Variants in KCNH5 observed in about 807,000 individuals in gnomAD.
KCNH5 encodes potassium voltage-gated channel subfamily H member 5.
Under a neutral mutation model 96.1 loss-of-function variants are expected in KCNH5, and 46 were observed. That is an observed-to-expected ratio of 0.48 (90% confidence interval 0.38 to 0.61). KCNH5 has a LOEUF of 0.61. KCNH5 is among the 20% of genes least tolerant of loss of function. The pLI, the probability that KCNH5 is intolerant of heterozygous loss-of-function variation, is 0.00. For missense variants in KCNH5, 907 were observed against 1,225.8 expected, an observed-to-expected ratio of 0.74 and a Z score of 3.88; for synonymous variants, 439 against 449.8, an observed-to-expected ratio of 0.98 and a Z score of 0.30.
At chr14:62,992,759 T>C (rs917698380) in intron 4 of KCNH5, among the ~76,000 whole-genome samples, 1 of 151,982 alleles carries the variant, frequency 6.6e-6, no homozygotes, top group African/African-American at 2.4e-5. Flanking sequence ...CTTCCCTTCT[T>C]CAGGTCATCT....
intron 1 of KCNH5, among the ~76,000 whole-genome samples, chr14:63,042,510 T>A (rs1036627701): frequency 1.3e-5 from 2 of 152,160 alleles, no homozygotes; most frequent in African/African-American, 2.4e-5. Flanking sequence ...AAGGCCAGCC[T>A]CTGTTTCTTC....
rs911629016 is a variant in KCNH5, at chr14:62,706,422, A to C, written c.*1086T>G. ...ACCACATTTCATGTGTTATCACTAC[A>C]AACACTAGGATTCATGTGTCAACAA... is the stretch of plus-strand genomic sequence containing the variant. On this transcript the variant is annotated 3_prime_UTR_variant, in exon 11 of 11. Transcript: ENST00000322893. 3 of 152,218 alleles carry C rather than the reference A, an allele frequency of 2.0e-5. No individual in the cohort carries two copies. The allele number at this position is 152,218 out of a possible 1,614,324, so 9.4% of individuals were successfully genotyped here.
intron 7 of KCNH5, among the ~76,000 whole-genome samples, chr14:62,939,367 T>C (rs1009122404): frequency 6.6e-6 from 1 of 152,202 alleles, no homozygotes; most frequent in Non-Finnish European, 1.5e-5. Flanking sequence ...ACATGATTAC[T>C]TTCTATACAT....
intron 9 of KCNH5, 82 bp downstream of exon 9, chr14:62,802,247 A>G: frequency 1.4e-6 from 2 of 1,436,616 alleles, no homozygotes; most frequent in African/African-American, 1.4e-5. Flanking sequence ...AACAAAGGAA[A>G]TTTCTCTTTA....
At chr14:62,829,965 T>C (rs186730261) in intron 8 of KCNH5, among the ~76,000 whole-genome samples, 2 of 152,268 alleles carry the variant, frequency 1.3e-5, no homozygotes, top group East Asian at 3.9e-4. Context: ...TCAGAAAAAG[T>C]CAGGTCACGT....
chr14:62,934,214 C>T (rs1462824657), intron 7 of KCNH5, among the ~76,000 whole-genome samples: 1 of 151,764 alleles, frequency 6.6e-6, no homozygotes, highest in Non-Finnish European at 1.5e-5. Context: ...GCAACCTCCG[C>T]CTCCCGGGTT....
At chr14:62,976,779 G>A (rs1890508071) in intron 6 of KCNH5, among the ~76,000 whole-genome samples, 1 of 152,154 alleles carries the variant, frequency 6.6e-6, no homozygotes, top group East Asian at 1.9e-4. Flanking sequence ...TCAAAATTCT[G>A]AAGGAAAATT....
chr14:63,027,165 GA>G (rs1359442241), intron 1 of KCNH5, among the ~76,000 whole-genome samples: 1 of 151,910 alleles, frequency 6.6e-6, no homozygotes, highest in Non-Finnish European at 1.5e-5. Flanking sequence ...TAGAAACAGA[GA>G]AAAATGGTGG....
chr14:62,876,862 A>T (rs1349646802), intron 7 of KCNH5, among the ~76,000 whole-genome samples: 1 of 152,252 alleles, frequency 6.6e-6, no homozygotes, highest in East Asian at 1.9e-4. Flanking sequence ...GAACAACAGG[A>T]TCTCCACATA....
intron 7 of KCNH5, among the ~76,000 whole-genome samples, chr14:62,884,987 T>C (rs1022720447): frequency 6.6e-6 from 1 of 152,152 alleles, no homozygotes; most frequent in Non-Finnish European, 1.5e-5. Context: ...AGGATGCCAG[T>C]GTACAAAAAA....
intron 7 of KCNH5, among the ~76,000 whole-genome samples, chr14:62,929,678 ATTCT>A (rs1329453827): frequency 6.6e-6 from 1 of 151,834 alleles, no homozygotes; most frequent in East Asian, 1.9e-4. Flanking sequence ...TATTTTTCTT[ATTCT>A]TTCTTTTTCA....
chr14:63,034,417 A>C (rs1891684580), intron 1 of KCNH5, among the ~76,000 whole-genome samples: 1 of 152,182 alleles, frequency 6.6e-6, no homozygotes, highest in South Asian at 2.1e-4. Context: ...TGCACTGCCC[A>C]TTTCTATGTC....
At chr14:63,038,024 T>A (rs1891754191) in intron 1 of KCNH5, among the ~76,000 whole-genome samples, 1 of 152,198 alleles carries the variant, frequency 6.6e-6, no homozygotes, top group Non-Finnish European at 1.5e-5. Context: ...GAATAGGAAG[T>A]GAACATGGGA....
intron 10 of KCNH5, among the ~76,000 whole-genome samples, chr14:62,709,101 C>T (rs533851673): frequency 8.6e-5 from 13 of 151,058 alleles, no homozygotes; most frequent in East Asian, 3.9e-4. Flanking sequence ...GGCGCAGTGG[C>T]GGGCGCCTGT....
intron 1 of KCNH5, among the ~76,000 whole-genome samples, chr14:63,024,877 T>G (rs985264650): frequency 6.6e-6 from 1 of 152,076 alleles, no homozygotes. Flanking sequence ...GAGAAAACTT[T>G]CAAACTCATT....
At chr14:62,813,490 A>C (rs1886912597) in intron 8 of KCNH5, among the ~76,000 whole-genome samples, 2 of 152,190 alleles carry the variant, frequency 1.3e-5, no homozygotes, top group South Asian at 4.1e-4. Flanking sequence ...TACTGCTCTA[A>C]GTTATTGTAT....
chr14:62,801,200 C>A (rs551982845), intron 9 of KCNH5, among the ~76,000 whole-genome samples: 74 of 151,772 alleles, frequency 4.9e-4, no homozygotes, highest in Non-Finnish European at 8.4e-4. Flanking sequence ...TTTTTAAAAT[C>A]TATCAGTTAA....
rs117498875 is a variant in KCNH5, at chr14:62,777,445, C to T, written c.2019+2283G>A. 6.3e-3 allele frequency among the ~76,000 whole-genome samples: 960 copies of T among 152,226 alleles called. 4 individuals are homozygous for T. Among genetic ancestry groups the T allele is most frequent in the Middle Eastern group, 0.02 (6 of 294 alleles). On this transcript the variant is annotated intron_variant, in intron 10 of 10. Transcript: ENST00000322893. ...ATTATATGTAAACTATGTTGAAGTG[C>T]CTGGCTATATACAACATGTTCTCAG... is the stretch of plus-strand genomic sequence containing the variant.
intron 1 of KCNH5, among the ~76,000 whole-genome samples, chr14:63,020,761 G>A (rs998234055): frequency 6.6e-6 from 1 of 152,096 alleles, no homozygotes; most frequent in Non-Finnish European, 1.5e-5. Context: ...GAACTGTGCA[G>A]TTAAGATCTG....
Sources: allele counts gnomAD v4.1 joint callset (sites outside exome capture counted in the v4.1 genomes callset), GRCh38; gene constraint gnomAD v4.1.1; transcripts MANE v1.5; gene names NCBI Gene and HGNC (gene_info 2026-07-23, HGNC 2026-07-21).